The following MAP3K15 variants were observed in gnomAD, a reference collection of about 807,000 sequenced individuals.
MAP3K15 encodes mitogen-activated protein kinase kinase kinase 15, also known as MAPK/ERK kinase kinase 15.
In MAP3K15, 124 loss-of-function variants were observed where a neutral mutation model predicts 99.5. The ratio of observed to expected loss-of-function variants is 1.25; its 90% CI spans 1.08 to 1.45. The LOEUF is 1.45. Among genes scored for constraint, MAP3K15 ranks in the 40% most tolerant of loss-of-function variants. The probability of loss-of-function intolerance (pLI) is 0.00; values close to 1 mark genes in which losing one functional copy is unlikely to be tolerated. For missense variants in MAP3K15, 1,242 were observed against 1,079.7 expected (o/e 1.15, Z -2.11); for synonymous variants, 494 against 439.6 (o/e 1.12, Z -1.55).
chrX:19,374,802 T>G lies in MAP3K15; in HGVS notation c.2590-142A>C. On this transcript the variant is annotated intron_variant, in intron 19 of 28. Transcript: ENST00000338883. The stretch of plus-strand genomic sequence containing the variant: ...CCCCCTTGCAACGTCACGTTCTTGT[T>G]CCTCCCACCCCAAGGTGGAGTCCAT... 3 of 503,307 alleles carry G rather than the reference T, an allele frequency of 6.0e-6. No individual in the cohort carries two copies. In the Admixed American group the frequency reaches 1.2e-4, roughly 20 times the overall value. 41.5% of individuals were successfully genotyped at this position (503,307 alleles called of 1,213,427 possible).
intron 22 of MAP3K15, among the ~76,000 whole-genome samples, chrX:19,372,377 A>G (rs1420465814): frequency 2.7e-5 from 3 of 111,656 alleles, no homozygotes. Flanking sequence ...TTCTGCTACA[A>G]TCTGGCTGGT....
intron 3 of MAP3K15, among the ~76,000 whole-genome samples, chrX:19,483,719 A>T (rs1057287411): frequency 2.7e-5 from 3 of 111,705 alleles, no homozygotes; most frequent in African/African-American, 9.8e-5. Context: ...ACAATTGAGC[A>T]AATTCTCCTT....
chrX:19,426,743 G>A (rs747265786), intron 7 of MAP3K15, among the ~76,000 whole-genome samples: 9 of 102,445 alleles, frequency 8.8e-5, no homozygotes, highest in East Asian at 3.0e-4. Context: ...GCTTGAACCC[G>A]GGAGGTGGAA....
At chrX:19,390,880 G>C (rs781574954) in intron 18 of MAP3K15, among the ~76,000 whole-genome samples, 15 of 110,503 alleles carry the variant, frequency 1.4e-4, no homozygotes, top group South Asian at 3.8e-4. Flanking sequence ...TGATCTTTAC[G>C]TTACTCCTTG....
chrX:19,464,412 A>G lies in MAP3K15; in HGVS notation c.526-6T>C. ...TAATAATTTCCACTGGATGCCTGGA[A>G]AAAAGAAACAAAGATGTTCCAGAAA... is the stretch of plus-strand genomic sequence containing the variant. On this transcript the variant is annotated splice_region_variant and splice_polypyrimidine_tract_variant and intron_variant, in intron 3 of 28. Transcript: ENST00000338883. 8.6e-7 allele frequency: 1 copy of G among 1,167,353 alleles called. No homozygotes were observed. Among genetic ancestry groups the G allele is most frequent in the Non-Finnish European group, 1.1e-6 (1 of 871,321 alleles).
chrX:19,418,699 T>C (rs1258516974), intron 9 of MAP3K15, among the ~76,000 whole-genome samples: 2 of 109,805 alleles, frequency 1.8e-5, no homozygotes, highest in African/African-American at 6.8e-5. Flanking sequence ...ACCACAAAGA[T>C]ACTCCTCGAG....
At chrX:19,403,460 C>CT (rs144389481) in intron 13 of MAP3K15, among the ~76,000 whole-genome samples, 6,701 of 86,913 alleles carry the variant, frequency 0.077, 793 homozygotes, top group African/African-American at 0.25. Context: ...TTATTCTATT[C>CT]TTTTTTTTTT....
chrX:19,404,165 GT>G (rs1031663935), intron 13 of MAP3K15, among the ~76,000 whole-genome samples: 1 of 111,556 alleles, frequency 9.0e-6, no homozygotes, highest in African/African-American at 3.3e-5. Flanking sequence ...GTTCAGCAAG[GT>G]TGTAAGTTAC....
intron 1 of MAP3K15, among the ~76,000 whole-genome samples, chrX:19,508,621 G>A (rs1459145032): frequency 8.9e-6 from 1 of 111,916 alleles, no homozygotes; most frequent in Non-Finnish European, 1.9e-5. Context: ...GGTGGTTCAC[G>A]CCTGTAATCC....
chrX:19,497,946 T>A (rs2147418322), intron 1 of MAP3K15, among the ~76,000 whole-genome samples: 1 of 111,519 alleles, frequency 9.0e-6, no homozygotes, highest in South Asian at 3.7e-4. Flanking sequence ...TGCAGGCATA[T>A]AAAGCAACCC....
chrX:19,418,477 A>G (rs1428283746), intron 9 of MAP3K15, among the ~76,000 whole-genome samples: 1 of 111,522 alleles, frequency 9.0e-6, no homozygotes, highest in African/African-American at 3.3e-5. Context: ...TGAAGTGAGA[A>G]GTTTAGAGAA....
chrX:19,420,185 G>A (rs368790941), intron 9 of MAP3K15, among the ~76,000 whole-genome samples: 6 of 111,235 alleles, frequency 5.4e-5, no homozygotes, highest in Non-Finnish European at 7.5e-5. Context: ...AAATAACTAA[G>A]ATCAGAGCAG....
At chrX:19,511,701 T>C (rs1431135492) in intron 1 of MAP3K15, among the ~76,000 whole-genome samples, 2 of 112,072 alleles carry the variant, frequency 1.8e-5, no homozygotes, top group African/African-American at 6.5e-5. Context: ...GAAATAGGAA[T>C]GCTTTTACAC....
intron 6 of MAP3K15, among the ~76,000 whole-genome samples, chrX:19,440,767 C>A (rs1043621221): frequency 8.9e-6 from 1 of 112,477 alleles, no homozygotes; most frequent in Non-Finnish European, 1.9e-5. Context: ...GGAATCTCCA[C>A]GCTGATAGAT....
chrX:19,450,244 G>C lies in MAP3K15; in HGVS notation c.995+6669C>G, dbSNP rs987164475. ...GGGCATGGTGGCATGTGCCTACTTA[G>C]GAGGCTGAGGTGGGAGGATCACTTG... On this transcript the variant is annotated intron_variant, in intron 6 of 28. Coordinates refer to ENST00000338883, the MANE Select transcript of MAP3K15 (RefSeq NM_001001671.4). Among the ~76,000 whole-genome samples, 25 of 109,439 alleles carry C rather than the reference G, an allele frequency of 2.3e-4. 2 individuals are homozygous for C. Among genetic ancestry groups the C allele is most frequent in the Non-Finnish European group, 2.5e-4 (13 of 51,770 alleles).
At chrX:19,482,549 A>G (rs1380913439) in intron 3 of MAP3K15, among the ~76,000 whole-genome samples, 1 of 112,072 alleles carries the variant, frequency 8.9e-6, no homozygotes, top group Non-Finnish European at 1.9e-5. Context: ...TTGAAAAGGC[A>G]AGTCTATAAG....
rs149411845 is a variant in MAP3K15 at position 19,392,437 on chromosome X, G to A, written c.2231C>T (p.Pro744Leu). 9.9e-6 allele frequency: 12 copies of A among 1,208,581 alleles called. No homozygotes were observed. Among genetic ancestry groups the A allele is most frequent in the African/African-American group, 7.0e-5 (4 of 57,053 alleles). The part of the protein sequence containing the change: ...LSALLRSKWG[P>L]MKEPTIKFYT... ...AAACTTGATTGTCGGTTCCTTCATC[G>A]GCCCCCATTTGGATCGCAGAAGAGC... The change falls in exon 17 of 29, where the codon CCG (proline) becomes CTG (leucine). Residue 744 changes from proline to leucine, a missense_variant. Coordinates refer to ENST00000338883, the MANE Select transcript of MAP3K15 (RefSeq NM_001001671.4).
intron 1 of MAP3K15, among the ~76,000 whole-genome samples, chrX:19,492,902 G>A (rs995900122): frequency 9.0e-6 from 1 of 110,959 alleles, no homozygotes; most frequent in South Asian, 3.8e-4. Context: ...GGGAGGAGGC[G>A]GTTGCAGTGA....
chrX:19,368,209 C>A, intron 25 of MAP3K15, among the ~76,000 whole-genome samples: 1 of 111,746 alleles, frequency 8.9e-6, no homozygotes, highest in African/African-American at 3.3e-5. Flanking sequence ...ATGGCACGAT[C>A]TCAGCTCACT....
Sources: allele counts gnomAD v4.1 joint callset (sites outside exome capture counted in the v4.1 genomes callset), GRCh38; gene constraint gnomAD v4.1.1; transcripts MANE v1.5; gene names NCBI Gene and HGNC (gene_info 2026-07-23, HGNC 2026-07-21).